The following APC2 variants were observed in gnomAD, a reference collection of about 807,000 sequenced individuals.
The protein encoded by APC2 is APC regulator of Wnt signaling pathway 2.
Under a neutral mutation model 72.5 loss-of-function variants are expected in APC2, and 41 were observed. The observed-to-expected ratio is 0.57, with a 90% CI of 0.44 to 0.73. The LOEUF (loss-of-function observed/expected upper bound fraction) is 0.73. Among genes scored for constraint, APC2 ranks in the 30% least tolerant of loss-of-function variants. The pLI is 0.00. For missense variants in APC2, 3,729 were observed against 3,403.4 expected (o/e 1.10, Z -2.38); for synonymous variants, 1,898 against 1,612.0 (o/e 1.18, Z -4.25).
In APC2 at chr19:1,465,699, G is replaced by A. The variant is rs1200699966; in HGVS notation, c.2398G>A (p.Ala800Thr). 5 of 1,585,700 alleles carry A rather than the reference G, an allele frequency of 3.2e-6. No homozygotes were observed. The highest frequency in any genetic ancestry group is 4.3e-6 in the Non-Finnish European group (5 of 1,168,100). The change falls in exon 15 of 15, where the codon GCC (alanine) becomes ACC (threonine). Residue 800 changes from alanine to threonine, a missense_variant. Ala to Thr is a moderately conservative substitution (Grantham distance 58, BLOSUM62 0). Coordinates refer to ENST00000590469, the MANE Select transcript of APC2 (RefSeq NM_005883.3). ...GGCCACCGGGGAGCCAGCCAGCCCT[G>A]CCGCGCTGTCCCTCTTCCTGGGCAG... ...AAATGEPASP[A>T]ALSLFLGSPF...
chr19:1,450,451 CAG>C (rs1441113678), intron 1 of APC2, 113 bp downstream of exon 1: 1 of 850,052 alleles, frequency 1.2e-6, no homozygotes, highest in Non-Finnish European at 1.4e-6. Flanking sequence ...TCCATTTCCC[CAG>C]AGTGGGAGCT....
rs971539422 is a variant in APC2 at position 1,455,248 on chromosome 19, C to T, written c.513C>T (p.His171=). The change falls in exon 5 of 15, where the codon CAC becomes CAT. Residue 171 remains histidine (H), a synonymous_variant. Coordinates refer to ENST00000590469, the MANE Select transcript of APC2 (RefSeq NM_005883.3). ...GLSKRLDELP[H]VETQFSMQMD... is the part of the protein sequence containing the mutation. ...CCAAGCGCCTGGACGAGCTGCCGCA[C>T]GTGGAGACGGTGAGCCGGCCGGGGA... 2 of 1,575,254 alleles carry T rather than the reference C, an allele frequency of 1.3e-6. No individual in the cohort carries two copies. The highest frequency in any genetic ancestry group is 2.3e-5 in the East Asian group (1 of 42,946).
rs1328426411 is a variant in APC2 at position 1,465,294 on chromosome 19, G to C, written c.1993G>C (p.Asp665His). 1 of 1,601,712 alleles carries C rather than the reference G, an allele frequency of 6.2e-7. No individual in the cohort carries two copies. Among genetic ancestry groups the C allele is most frequent in the Non-Finnish European group, 8.5e-7 (1 of 1,177,826 alleles). ...CGCCCGTGACCAGGAGCTGCTGTGG[G>C]ACCTGGGCGCCGTGGGCATGCTGCG... is the stretch of plus-strand genomic sequence containing the variant. ...RSARDQELLW[D>H]LGAVGMLRNL... Residue 665 changes from aspartate (D) to histidine (H), a missense_variant, in exon 15 of 15, where the codon GAC (aspartate) becomes CAC (histidine). Physicochemically the swap from Asp to His is moderately conservative, Grantham distance 81. Transcript: ENST00000590469.
At position 1,451,695 on chromosome 19, in the gene APC2, T is replaced by C. The variant is rs2083744611; in HGVS notation, c.-18-1289T>C. On this transcript the variant is annotated intron_variant, in intron 1 of 14. Coordinates refer to ENST00000590469, the MANE Select transcript of APC2 (RefSeq NM_005883.3). The stretch of plus-strand genomic sequence containing the variant: ...GTTCCTAGGGCCTCGTTTCTCCCTC[T>C]GGGAACAGCCAAATGGTGGTCCCTG... 3 of 152,296 alleles carry C rather than the reference T, an allele frequency of 2.0e-5. No individual in the cohort carries two copies. The South Asian group carries it at 6.2e-4, about 32-fold the overall frequency. The allele number at this position is 152,296 out of a possible 1,614,324, so 9.4% of individuals were successfully genotyped here. A position where few individuals can be genotyped will look rare whatever the true frequency, so the allele number is the denominator to read the frequency against.
rs1288757495 is a variant in APC2, at chr19:1,469,308, G to C, written c.6007G>C (p.Gly2003Arg). The change falls in exon 15 of 15, where the codon GGC (glycine) becomes CGC (arginine). Residue 2003 changes from glycine (G) to arginine (R), a missense_variant. Transcript: ENST00000590469. ...GCTAACCTTCATCAAGGAGTCGCCG[G>C]GCTTGCGGCGCCGCCGCTCCGAGCT... Reference protein sequence around the residue: ...RQLTFIKESPGLRRRRSELSS... With the variant: ...RQLTFIKESPRLRRRRSELSS... 2.1e-6 allele frequency: 3 copies of C among 1,415,624 alleles called. No homozygotes were observed. Among genetic ancestry groups the C allele is most frequent in the Non-Finnish European group, 1.8e-6 (2 of 1,081,644 alleles). The allele number at this position is 1,415,624 out of a possible 1,614,324, so 87.7% of individuals were successfully genotyped here. A position where few individuals can be genotyped will look rare whatever the true frequency, so the allele number is the denominator to read the frequency against.
chr19:1,467,992 C>G lies in APC2; in HGVS notation c.4691C>G (p.Thr1564Ser), dbSNP rs760272334. The change falls in exon 15 of 15, where the codon ACC (threonine) becomes AGC (serine). Residue 1564 changes from threonine (T) to serine (S), a missense_variant. Transcript: ENST00000590469. ...CCAGCTGCCCCGCCGCCCGCCCGGA[C>G]CCAGCCCAGCCTCATTGCTGACGAG... ...AAPAAPPPAR[T>S]QPSLIADETP... The G allele has an allele frequency of 5.1e-6, 8 of 1,583,100 alleles. No individual in the cohort carries two copies. In the African/African-American group the frequency reaches 1.1e-4, roughly 22 times the overall value.
chr19:1,455,020 A>C, intron 4 of APC2, 129 bp from the exon 5 acceptor site: 3 of 245,834 alleles, frequency 1.2e-5, no homozygotes, highest in Non-Finnish European at 1.5e-5. Context: ...GGGGAGTGCC[A>C]CGGGAGAGAC....
chr19:1,453,268 G>T lies in APC2; in HGVS notation c.163G>T (p.Gly55Ter). 1 of 1,569,568 alleles carries T rather than the reference G, an allele frequency of 6.4e-7. No individual in the cohort carries two copies. The highest frequency in any genetic ancestry group is 8.6e-7 in the Non-Finnish European group (1 of 1,157,104). Reference sequence around the variant, plus strand: ...GCAGGAGGTCCTGAAGCACCTACAGGGAAAACTGGAGCAGGAGGCCCGAGT... The same window carrying T: ...GCAGGAGGTCCTGAAGCACCTACAGTGAAAACTGGAGCAGGAGGCCCGAGT... Reference protein sequence around the residue: ...GMKEVLKHLQGKLEQEARVLV... With the variant: ...GMKEVLKHLQ Residue 55 changes from glycine (G) to a stop codon, truncating the protein, a stop_gained, in exon 3 of 15, where the codon GGA (glycine) becomes TGA (stop). Coordinates refer to ENST00000590469, the MANE Select transcript of APC2 (RefSeq NM_005883.3). LOFTEE classifies it high-confidence loss of function.
Position 1,469,143 on chromosome 19 carries a change from G to A in APC2, c.5842G>A (p.Val1948Ile). 7.7e-7 allele frequency: 1 copy of A among 1,294,392 alleles called. No homozygotes were observed. Among genetic ancestry groups the A allele is most frequent in the Non-Finnish European group, 9.8e-7 (1 of 1,019,928 alleles). 80.2% of individuals were successfully genotyped at this position (1,294,392 alleles called of 1,614,324 possible). A position where few individuals can be genotyped will look rare whatever the true frequency, so the allele number is the denominator to read the frequency against. The change falls in exon 15 of 15, where the codon GTC becomes ATC. Residue 1948 changes from valine to isoleucine, a missense_variant. Transcript: ENST00000590469. ...RRGPPPLARA[V>I]PEPGPRGRAG... is the part of the protein sequence containing the mutation. ...TGGGCCGCCACCGCTGGCTCGGGCA[G>A]TCCCGGAGCCGGGCCCCAGGGGCCG...
At position 1,465,117 on chromosome 19, in the gene APC2, T is replaced by C. The variant is rs777888354; in HGVS notation, c.1854-38T>C. 3.8e-6 allele frequency: 6 copies of C among 1,564,976 alleles called. No individual in the cohort carries two copies. In the East Asian group the frequency reaches 1.4e-4, roughly 37 times the overall value. On this transcript the variant is annotated intron_variant, in intron 14 of 14. Coordinates refer to ENST00000590469, the MANE Select transcript of APC2 (RefSeq NM_005883.3). ...CCATCCTTCGGTGGGCAGGGGAGGG[T>C]GGGGGGTGGCCCAGGCTAACCCGCC...
At chr19:1,460,731 T>A (rs1298266104) in intron 11 of APC2, 49 bp from the exon 12 acceptor site, 1 of 1,570,070 alleles carries the variant, frequency 6.4e-7, no homozygotes, top group South Asian at 1.1e-5. Flanking sequence ...AGGGGCACAG[T>A]CTCCCTTGTG....
At chr19:1,454,563 C>T (rs374822455) in intron 4 of APC2, among the ~76,000 whole-genome samples, 3 of 116,168 alleles carry the variant, frequency 2.6e-5, no homozygotes, top group African/African-American at 7.3e-5. Context: ...ATCTTTTGTA[C>T]TTTTTTTTTT....
chr19:1,469,660 C>T lies in APC2; in HGVS notation c.6359C>T (p.Ala2120Val), dbSNP rs1276352654. 1 of 1,261,870 alleles carries T rather than the reference C, an allele frequency of 7.9e-7. No homozygotes were observed. Among genetic ancestry groups the T allele is most frequent in the Non-Finnish European group, 9.9e-7 (1 of 1,008,542 alleles). The allele number at this position is 1,261,870 out of a possible 1,614,324, so 78.2% of individuals were successfully genotyped here. ...RPDGAVPAAP[A>V]SADAARRSSD... is the part of the protein sequence containing the mutation. ...GACGGCGCCGTCCCCGCGGCCCCTG[C>T]CTCAGCCGACGCCGCGCGCCGCAGC... is the stretch of plus-strand genomic sequence containing the variant. The change falls in exon 15 of 15, where the codon GCC becomes GTC. Residue 2120 changes from alanine to valine, a missense_variant. Physicochemically the swap from Ala to Val is moderately conservative, Grantham distance 64 (BLOSUM62 0). Transcript: ENST00000590469.
rs759351445 is a variant in APC2, at chr19:1,467,141, G to C, written c.3840G>C (p.Ala1280=). The change falls in exon 15 of 15, where the codon GCG becomes GCC. Residue 1280 remains alanine (A), a synonymous_variant. Transcript: ENST00000590469. ...TCTCGTGCGCCTCCAGCCTCAGCGC[G>C]CTGGCCTTGCACGAGCACTACGTGC... ...ENFSCASSLS[A]LALHEHYVQQ... is the part of the protein sequence containing the mutation. 5.1e-6 allele frequency: 8 copies of C among 1,576,326 alleles called. No individual in the cohort carries two copies. In the East Asian group the frequency reaches 1.8e-4, roughly 35 times the overall value.
At position 1,453,289 on chromosome 19, in the gene APC2, C is replaced by G. The variant is rs780984007; in HGVS notation, c.184C>G (p.Arg62Gly). 1.7e-5 allele frequency: 27 copies of G among 1,581,522 alleles called. No homozygotes were observed. In the South Asian group the frequency reaches 3.0e-4, roughly 17 times the overall value. Reference sequence around the variant, plus strand: ...ACAGGGAAAACTGGAGCAGGAGGCCCGAGTGCTGGTGTCCTCGGGGCAGAC... The same window carrying G: ...ACAGGGAAAACTGGAGCAGGAGGCCGGAGTGCTGGTGTCCTCGGGGCAGAC... ...HLQGKLEQEA[R>G]VLVSSGQTEV... is the part of the protein sequence containing the mutation. The change falls in exon 3 of 15, where the codon CGA (arginine) becomes GGA (glycine). Residue 62 changes from arginine to glycine, a missense_variant. By Grantham distance (125) the Arg-to-Gly change is moderately radical. Transcript: ENST00000590469.
chr19:1,454,986 A>C (rs1225358672), intron 4 of APC2, among the ~76,000 whole-genome samples, 163 bp from the exon 5 acceptor site: 3,289 of 110,396 alleles, frequency 0.03, no homozygotes, highest in Admixed American at 0.055. Flanking sequence ...TTCAATACCC[A>C]CCCCCCCCCC....
intron 14 of APC2, among the ~76,000 whole-genome samples, chr19:1,464,633 T>A (rs1359773304): frequency 1.0e-5 from 1 of 95,856 alleles, no homozygotes; most frequent in Admixed American, 9.0e-5. Flanking sequence ...TGTTTTTTCC[T>A]TTTTTTTTTT....
At position 1,468,908 on chromosome 19, in the gene APC2, C is replaced by G. The variant is rs773939658; in HGVS notation, c.5607C>G (p.Ala1869=). 3.9e-6 allele frequency: 6 copies of G among 1,527,182 alleles called. No homozygotes were observed. The highest frequency in any genetic ancestry group is 1.7e-6 in the Non-Finnish European group (2 of 1,144,662). 94.6% of individuals were successfully genotyped at this position (1,527,182 alleles called of 1,614,324 possible). A position where few individuals can be genotyped will look rare whatever the true frequency, so the allele number is the denominator to read the frequency against. The change falls in exon 15 of 15, where the codon GCC becomes GCG. Residue 1869 remains alanine (A), a synonymous_variant. Coordinates refer to ENST00000590469, the MANE Select transcript of APC2 (RefSeq NM_005883.3). ...GCGCCACACCGCCCGCCCGCCTCGC[C>G]AAGACCCCCTCCTCCAGCTCCTCCC... ...PRSATPPARL[A]KTPSSSSSQT...
chr19:1,462,252 C>A (rs2083938952), intron 14 of APC2, 75 bp downstream of exon 14: 2 of 1,383,944 alleles, frequency 1.4e-6, no homozygotes, highest in African/African-American at 1.4e-5. Flanking sequence ...GGGCACTGTC[C>A]TCCCGTGAAT....
Sources: gnomAD v4.1 joint callset for allele counts (sites outside exome capture counted in the v4.1 genomes callset) on GRCh38, gnomAD v4.1.1 for gene constraint, MANE v1.5 for transcripts, NCBI Gene and HGNC (gene_info 2026-07-23, HGNC 2026-07-21) for gene names.